SH3RF3: variants seen among roughly 807,000 people sequenced by gnomAD.
SH3RF3 encodes E3 ubiquitin-protein ligase SH3RF3.
SH3RF3 carries 29 observed loss-of-function variants against 66.3 expected under a neutral mutation model. That is an observed-to-expected ratio of 0.44 (90% confidence interval 0.33 to 0.60). The LOEUF is 0.60. Ranked by LOEUF, SH3RF3 falls within the 20% of genes least tolerant of loss-of-function variation. The pLI, the probability that SH3RF3 is intolerant of heterozygous loss-of-function variation, is 0.04. For synonymous variants in SH3RF3, 583 were observed against 532.0 expected, an observed-to-expected ratio of 1.10 and a Z score of -1.32; for missense variants, 1,194 against 1,190.9, an observed-to-expected ratio of 1.00 and a Z score of -0.04.
At chr2:109,490,532 T>G in intron 8 of SH3RF3, 73 bp from the exon 9 acceptor site, 1 of 1,218,086 alleles carries the variant, frequency 8.2e-7, no homozygotes. Context: ...GGAAGATGCA[T>G]TCCCCTCTCT....
chr2:109,186,955 A>G (rs989360537), intron 1 of SH3RF3, among the ~76,000 whole-genome samples: 3 of 152,198 alleles, frequency 2.0e-5, no homozygotes, highest in African/African-American at 7.2e-5. Context: ...AGAAGCCATG[A>G]TGCTGCCTCC....
rs1269145734 is a variant in SH3RF3, at chr2:109,490,724, C to G, written c.2268C>G (p.Leu756=). ...CCCAGGTGGCCGTGGACGCCCTGCTCCAAGGTGCAGTGGGCCCCGAAGTGT... is the reference window on the plus strand; with the variant it reads ...CCCAGGTGGCCGTGGACGCCCTGCTGCAAGGTGCAGTGGGCCCCGAAGTGT... ...HDPQVAVDAL[L]QGAVGPEVSS... is the part of the protein sequence containing the mutation. The change falls in exon 9 of 10, where the codon CTC becomes CTG. Residue 756 remains leucine (L), a synonymous_variant. Coordinates refer to ENST00000309415, the MANE Select transcript of SH3RF3 (RefSeq NM_001099289.3). 1.6e-5 allele frequency: 24 copies of G among 1,535,586 alleles called. No individual in the cohort carries two copies. The highest frequency in any genetic ancestry group is 2.4e-5 in the South Asian group (2 of 83,938).
intron 9 of SH3RF3, among the ~76,000 whole-genome samples, chr2:109,499,321 G>A (rs1447169728): frequency 6.6e-6 from 1 of 152,200 alleles, no homozygotes; most frequent in African/African-American, 2.4e-5. Context: ...AGCAAAGTGG[G>A]TGTCTGAGGG....
chr2:109,464,448 T>C (rs1678287026), intron 8 of SH3RF3, among the ~76,000 whole-genome samples: 1 of 151,992 alleles, frequency 6.6e-6, no homozygotes, highest in Non-Finnish European at 1.5e-5. Flanking sequence ...CGCGTACATA[T>C]AAAATACATG....
rs143190008 is a variant in SH3RF3 at position 109,501,521 on chromosome 2, G to A, written c.2499G>A (p.Ser833=). Residue 833 remains serine, a synonymous_variant, in exon 10 of 10, where the codon TCG becomes TCA. Coordinates refer to ENST00000309415, the MANE Select transcript of SH3RF3 (RefSeq NM_001099289.3). ...TCCCCAGGTACCGCGTGGTGGTCTCGTACCCACCCCAGAGTGAGGCGGAGA... is the reference window on the plus strand; with the variant it reads ...TCCCCAGGTACCGCGTGGTGGTCTCATACCCACCCCAGAGTGAGGCGGAGA... The part of the protein sequence containing the change: ...LPRERYRVVV[S]YPPQSEAEIE... 461 of 778,764 alleles carry A rather than the reference G, an allele frequency of 5.9e-4. 1 individual carries two copies. Among genetic ancestry groups the A allele is most frequent in the African/African-American group, 5.1e-3 (301 of 59,208 alleles). The allele number at this position is 778,764 out of a possible 1,614,324, so 48.2% of individuals were successfully genotyped here.
At chr2:109,342,406 G>A (rs1448285682) in intron 1 of SH3RF3, among the ~76,000 whole-genome samples, 8 of 152,184 alleles carry the variant, frequency 5.3e-5, no homozygotes, top group Non-Finnish European at 1.2e-4. Flanking sequence ...GGCCAGCAGC[G>A]GAGCATCCAA....
At chr2:109,293,441 C>G (rs1681233538) in intron 1 of SH3RF3, among the ~76,000 whole-genome samples, 1 of 152,162 alleles carries the variant, frequency 6.6e-6, no homozygotes, top group African/African-American at 2.4e-5. Flanking sequence ...CCCAGGCTAC[C>G]CCAGTGGTGA....
At chr2:109,475,529 C>T (rs1678660370) in intron 8 of SH3RF3, among the ~76,000 whole-genome samples, 1 of 152,200 alleles carries the variant, frequency 6.6e-6, no homozygotes, top group Admixed American at 6.5e-5. Context: ...ATACAGTTGG[C>T]TGTGGGTGGG....
intron 1 of SH3RF3, among the ~76,000 whole-genome samples, chr2:109,276,026 A>G (rs1200712494): frequency 6.6e-6 from 1 of 152,204 alleles, no homozygotes; most frequent in Non-Finnish European, 1.5e-5. Flanking sequence ...AGAGGATTTC[A>G]TGGTTCAGTT....
At chr2:109,276,416 G>T (rs1349131265) in intron 1 of SH3RF3, among the ~76,000 whole-genome samples, 1 of 152,196 alleles carries the variant, frequency 6.6e-6, no homozygotes, top group Non-Finnish European at 1.5e-5. Flanking sequence ...TGTCAGTCCA[G>T]GCCCGTCTGA....
intron 3 of SH3RF3, among the ~76,000 whole-genome samples, chr2:109,381,187 G>T (rs1675647281): frequency 6.6e-6 from 1 of 152,216 alleles, no homozygotes; most frequent in Non-Finnish European, 1.5e-5. Flanking sequence ...AAGTGTGTCA[G>T]CCTAGGGGCA....
At chr2:109,299,849 A>G (rs1681413446) in intron 1 of SH3RF3, among the ~76,000 whole-genome samples, 1 of 152,234 alleles carries the variant, frequency 6.6e-6, no homozygotes, top group Admixed American at 6.5e-5. Flanking sequence ...ATGTACAGCC[A>G]GGCTGAACAT....
chr2:109,254,134 T>C (rs963739780), intron 1 of SH3RF3, among the ~76,000 whole-genome samples: 1 of 152,160 alleles, frequency 6.6e-6, no homozygotes, highest in Non-Finnish European at 1.5e-5. Context: ...CACCAACCCC[T>C]CTAGCAAGGA....
intron 4 of SH3RF3, among the ~76,000 whole-genome samples, chr2:109,407,958 A>G (rs946756811): frequency 3.3e-5 from 5 of 152,128 alleles, no homozygotes; most frequent in East Asian, 1.9e-4. Flanking sequence ...TTTTGCTGCT[A>G]TGACGAGCTA....
intron 1 of SH3RF3, among the ~76,000 whole-genome samples, chr2:109,336,030 ATCAGGAAAAGCT>A (rs1682412599): frequency 6.6e-6 from 1 of 152,240 alleles, no homozygotes; most frequent in Non-Finnish European, 1.5e-5. Flanking sequence ...TCTGGAACCC[ATCAGGAAAAGCT>A]TTAGCGTAGA....
At chr2:109,157,987 C>A (rs912114112) in intron 1 of SH3RF3, among the ~76,000 whole-genome samples, 1 of 152,152 alleles carries the variant, frequency 6.6e-6, no homozygotes, top group East Asian at 1.9e-4. Context: ...TAGTAAGTAA[C>A]CCTCCTTGAG....
chr2:109,466,935 ATG>A (rs201917718), intron 8 of SH3RF3, among the ~76,000 whole-genome samples: 1,616 of 151,564 alleles, frequency 0.011, 34 homozygotes, highest in African/African-American at 0.038. Context: ...GTATGCATGT[ATG>A]TGTGTGTCTA....
At chr2:109,183,128 C>T (rs1372574181) in intron 1 of SH3RF3, among the ~76,000 whole-genome samples, 1 of 152,154 alleles carries the variant, frequency 6.6e-6, no homozygotes, top group South Asian at 2.1e-4. Context: ...AGATTGTGTA[C>T]AAAACTGTCC....
chr2:109,347,589 G>A (rs1285724652), intron 1 of SH3RF3, 85 bp from the exon 2 acceptor site: 8 of 1,514,550 alleles, frequency 5.3e-6, no homozygotes, highest in Non-Finnish European at 7.1e-6. Context: ...AAGCCCCTGA[G>A]AAGCCCCGGC....
Sources: allele counts gnomAD v4.1 joint callset (sites outside exome capture counted in the v4.1 genomes callset), GRCh38; gene constraint gnomAD v4.1.1; transcripts MANE v1.5; gene names NCBI Gene and HGNC (gene_info 2026-07-23, HGNC 2026-07-21).